VPS13A: variants seen among roughly 807,000 people sequenced by gnomAD.
VPS13A encodes the protein intermembrane lipid transfer protein VPS13A.
A neutral mutation model predicts 390.9 loss-of-function variants in VPS13A; 264 were observed. The observed-to-expected ratio is 0.68, with a 90% CI of 0.61 to 0.75. VPS13A has a LOEUF of 0.75. Ranked by LOEUF, VPS13A falls within the 30% of genes least tolerant of loss-of-function variation. The pLI, the probability that VPS13A is intolerant of heterozygous loss-of-function variation, is 0.00. For synonymous variants in VPS13A, 1,231 were observed against 1,227.1 expected (o/e 1.00, Z -0.07); for missense variants, 3,409 against 3,733.9 (o/e 0.91, Z 2.27).
chr9:77,209,496 G>A lies in VPS13A; in HGVS notation c.459G>A (p.Val153=), dbSNP rs1590001351. The change falls in exon 6 of 72, where the codon GTG becomes GTA. Residue 153 remains valine (V), a synonymous_variant. Coordinates refer to ENST00000360280, the MANE Select transcript of VPS13A (RefSeq NM_033305.3). ...LVTQIIKNLQ[V]KISSIHIRYE... ...CACAGATCATAAAAAATCTTCAGGT[G>A]AAAATTTCCAGTATCCATATTCGTT... 6.2e-7 allele frequency: 1 copy of A among 1,610,656 alleles called. No individual in the cohort carries two copies. The highest frequency in any genetic ancestry group is 8.5e-7 in the Non-Finnish European group (1 of 1,177,664).
At chr9:77,248,835 G>A (rs1824984641) in intron 20 of VPS13A, among the ~76,000 whole-genome samples, 1 of 152,042 alleles carries the variant, frequency 6.6e-6, no homozygotes, top group South Asian at 2.1e-4. Context: ...GAGTTCAAGT[G>A]ATTCTTCTGC....
At chr9:77,377,218 T>TTTTG (rs1833142434) in intron 67 of VPS13A, among the ~76,000 whole-genome samples, 1 of 133,994 alleles carries the variant, frequency 7.5e-6, no homozygotes, top group African/African-American at 2.8e-5. Context: ...TTTTTTTTTT[T>TTTTG]TTTTTTTTTT....
At chr9:77,206,344 T>TATAC (rs1554859695) in intron 5 of VPS13A, among the ~76,000 whole-genome samples, 11 of 149,296 alleles carry the variant, frequency 7.4e-5, no homozygotes, top group African/African-American at 2.4e-4. Context: ...TATATATATA[T>TATAC]ACACACACAC....
chr9:77,308,068 G>A lies in VPS13A; in HGVS notation c.4084G>A (p.Val1362Ile), dbSNP rs2131409530. ...AGACCAATACAGTGCCACTAGTGGAGTTACTACTAATGCTTCACACCATTC... is the reference window on the plus strand; with the variant it reads ...AGACCAATACAGTGCCACTAGTGGAATTACTACTAATGCTTCACACCATTC... Reference protein sequence around the residue: ...TKDQYSATSGVTTNASHHSGG... With the variant: ...TKDQYSATSGITTNASHHSGG... The change falls in exon 35 of 72, where the codon GTT becomes ATT. Residue 1362 changes from valine to isoleucine, a missense_variant. Physicochemically the swap from Val to Ile is conservative, Grantham distance 29. This residue lies in a region of VPS13A where 2,717 missense variants were observed against 2,917.4 expected (regional missense o/e 0.93). Transcript: ENST00000360280. 1.9e-6 allele frequency: 3 copies of A among 1,613,958 alleles called. No homozygotes were observed. Among genetic ancestry groups the A allele is most frequent in the Non-Finnish European group, 2.5e-6 (3 of 1,179,910 alleles).
intron 52 of VPS13A, among the ~76,000 whole-genome samples, chr9:77,350,309 T>C (rs1310186949): frequency 6.6e-6 from 1 of 152,192 alleles, no homozygotes; most frequent in Non-Finnish European, 1.5e-5. Flanking sequence ...AAGGCCCTTT[T>C]GGTATTTGCA....
chr9:77,269,548 A>C (rs1431682264), intron 23 of VPS13A, among the ~76,000 whole-genome samples: 1 of 152,198 alleles, frequency 6.6e-6, no homozygotes, highest in African/African-American at 2.4e-5. Context: ...TCAACTTATC[A>C]ATTTCCACAA....
At position 77,416,143 on chromosome 9, in the gene VPS13A, C is replaced by CA. The variant is rs926899262; in HGVS notation, c.*144dup. The CA allele has an allele frequency of 1.9e-5, 20 of 1,035,388 alleles. No individual in the cohort carries two copies. In the African/African-American group the frequency reaches 2.1e-4, roughly 11 times the overall value. 64.1% of individuals were successfully genotyped at this position (1,035,388 alleles called of 1,614,324 possible). A position where few individuals can be genotyped will look rare whatever the true frequency, so the allele number is the denominator to read the frequency against. On this transcript the variant is annotated 3_prime_UTR_variant, in exon 72 of 72. Coordinates refer to ENST00000360280, the MANE Select transcript of VPS13A (RefSeq NM_033305.3). ...CTGGATGCTAAAAAACAAAAACAAA[C>CA]AAAAAAACAAAAACAAAAAAACAAA...
intron 26 of VPS13A, among the ~76,000 whole-genome samples, chr9:77,278,147 TGCAA>T (rs1246746846): frequency 2.6e-5 from 4 of 151,996 alleles, no homozygotes; most frequent in Admixed American, 6.5e-5. Context: ...CTCGGCTCAC[TGCAA>T]GCTCCACCTC....
At chr9:77,311,141 G>A (rs1473383970) in intron 35 of VPS13A, among the ~76,000 whole-genome samples, 1 of 151,972 alleles carries the variant, frequency 6.6e-6, no homozygotes, top group Non-Finnish European at 1.5e-5. Flanking sequence ...ACCCAGGATG[G>A]TCTCGATCTC....
chr9:77,201,479 A>G (rs956992701), intron 3 of VPS13A, 72 bp downstream of exon 3: 9 of 1,190,176 alleles, frequency 7.6e-6, no homozygotes, highest in Non-Finnish European at 8.8e-6. Context: ...TAATATATCT[A>G]TTATGTGATA....
chr9:77,278,975 C>T (rs1564690132), intron 26 of VPS13A, among the ~76,000 whole-genome samples: 1 of 152,176 alleles, frequency 6.6e-6, no homozygotes, highest in Non-Finnish European at 1.5e-5. Flanking sequence ...TGCTTTTGGG[C>T]TCCGGCCCCA....
At chr9:77,242,133 T>C (rs1056386089) in intron 19 of VPS13A, among the ~76,000 whole-genome samples, 1 of 152,168 alleles carries the variant, frequency 6.6e-6, no homozygotes, top group Non-Finnish European at 1.5e-5. Flanking sequence ...AACTCAGAAT[T>C]TGTCCCATTT....
In VPS13A at chr9:77,344,263, A is replaced by T. The variant is rs1184792396; in HGVS notation, c.7137A>T (p.Leu2379=). ...IYFNKQENCI[L]LRLDNELGGI... Reference sequence around the variant, plus strand: ...TTAACAAGCAGGAAAATTGTATTCTATTGCGTCTAGATAACGAGGTAAGTT... The same window carrying T: ...TTAACAAGCAGGAAAATTGTATTCTTTTGCGTCTAGATAACGAGGTAAGTT... The change falls in exon 51 of 72, where the codon CTA becomes CTT. Residue 2379 remains leucine, a synonymous_variant. Coordinates refer to ENST00000360280, the MANE Select transcript of VPS13A (RefSeq NM_033305.3). The T allele has an allele frequency of 6.2e-7, 1 of 1,613,398 alleles. No individual in the cohort carries two copies. The highest frequency in any genetic ancestry group is 1.1e-5 in the South Asian group (1 of 91,008).
chr9:77,323,272 G>A (rs1279283728), intron 45 of VPS13A, 45 bp downstream of exon 45: 1 of 1,598,754 alleles, frequency 6.3e-7, no homozygotes, highest in Non-Finnish European at 8.6e-7. Flanking sequence ...ATGCATATCT[G>A]TGTGCTAATA....
chr9:77,339,998 A>C (rs1255712469), intron 48 of VPS13A, 87 bp downstream of exon 48: 2 of 1,500,766 alleles, frequency 1.3e-6, no homozygotes, highest in Non-Finnish European at 1.8e-6. Flanking sequence ...AATATTATGA[A>C]ACTTGGATAG....
chr9:77,365,493 A>C lies in VPS13A; in HGVS notation c.8245A>C (p.Lys2749Gln), dbSNP rs1419297636. Residue 2749 changes from lysine (K) to glutamine (Q), a missense_variant, in exon 60 of 72, where the codon AAA becomes CAA. Physicochemically the swap from Lys to Gln is moderately conservative, Grantham distance 53. Around this residue, in one of 5 missense-constraint regions of VPS13A, gnomAD observed 123 missense variants for 118.7 expected, o/e 1.04. Transcript: ENST00000360280. Reference protein sequence around the residue: ...ELFHKDIEAFKEEYKTASLVD... With the variant: ...ELFHKDIEAFQEEYKTASLVD... Reference sequence around the variant, plus strand: ...TTTTCATAAAGATATAGAAGCTTTCAAAGAAGAATATAAAACAGCCTCATT... The same window carrying C: ...TTTTCATAAAGATATAGAAGCTTTCCAAGAAGAATATAAAACAGCCTCATT... 1.2e-6 allele frequency: 2 copies of C among 1,611,984 alleles called. No individual in the cohort carries two copies. The highest frequency in any genetic ancestry group is 8.5e-7 in the Non-Finnish European group (1 of 1,178,472).
chr9:77,222,853 A>G (rs1325560547), intron 13 of VPS13A, among the ~76,000 whole-genome samples: 1 of 152,180 alleles, frequency 6.6e-6, no homozygotes, highest in East Asian at 1.9e-4. Flanking sequence ...TGTACGCCAT[A>G]AACTATAGCT....
chr9:77,181,368 T>A (rs977513438), intron 1 of VPS13A, among the ~76,000 whole-genome samples: 2 of 151,882 alleles, frequency 1.3e-5, no homozygotes, highest in South Asian at 4.2e-4. Context: ...ATACAAAAAT[T>A]AGCTGGGTAC....
chr9:77,335,978 T>C (rs1830519362), intron 46 of VPS13A, among the ~76,000 whole-genome samples: 1 of 152,124 alleles, frequency 6.6e-6, no homozygotes, highest in Non-Finnish European at 1.5e-5. Flanking sequence ...AATGATAGAC[T>C]GGATAAAGGA....
Sources: allele counts gnomAD v4.1 joint callset (sites outside exome capture counted in the v4.1 genomes callset), GRCh38; gene constraint gnomAD v4.1.1; regional missense constraint gnomAD v4.1.1; transcripts MANE v1.5; gene names NCBI Gene and HGNC (gene_info 2026-07-23, HGNC 2026-07-21).